The following DACH1 variants were observed in gnomAD, a reference collection of about 807,000 sequenced individuals.
DACH1 encodes the protein dachshund homolog 1.
In DACH1, 12 loss-of-function variants were observed where a neutral mutation model predicts 54.2. That is an observed-to-expected ratio of 0.22 (90% CI 0.14 to 0.36). The LOEUF is 0.36. DACH1 is among the 10% of genes least tolerant of loss of function. The pLI, the probability that DACH1 is intolerant of heterozygous loss-of-function variation, is 1.00. For missense variants in DACH1, 805 were observed against 929.8 expected (o/e 0.87, Z 1.75); for synonymous variants, 386 against 366.2 (o/e 1.05, Z -0.62).
intron 2 of DACH1, among the ~76,000 whole-genome samples, chr13:71,676,464 C>T (rs556369400): frequency 1.4e-4 from 21 of 152,136 alleles, no homozygotes; most frequent in Non-Finnish European, 2.5e-4. Flanking sequence ...GTGATCCACC[C>T]GCCTCGGCCC....
intron 1 of DACH1, among the ~76,000 whole-genome samples, chr13:71,689,554 G>A (rs1182895800): frequency 2.6e-5 from 4 of 152,084 alleles, no homozygotes; most frequent in African/African-American, 9.7e-5. Flanking sequence ...CTCTGGTGAG[G>A]ATAAATTATT....
chr13:71,663,431 A>C (rs1167016825), intron 2 of DACH1, among the ~76,000 whole-genome samples: 1 of 152,088 alleles, frequency 6.6e-6, no homozygotes, highest in South Asian at 2.1e-4. Flanking sequence ...GACAATTCAA[A>C]TTTGAGGAGT....
intron 1 of DACH1, among the ~76,000 whole-genome samples, chr13:71,815,814 G>A (rs892773221): frequency 1.3e-5 from 2 of 152,136 alleles, no homozygotes; most frequent in African/African-American, 2.4e-5. Flanking sequence ...GGCCGGGCGC[G>A]GTGGCTCACG....
Position 71,715,497 on chromosome 13 carries a change from A to G in DACH1, c.849-33587T>C, listed in dbSNP as rs545339175. 2.6e-4 allele frequency among the ~76,000 whole-genome samples: 39 copies of G among 152,130 alleles called. 2 individuals are homozygous for G. In the South Asian group the frequency reaches 7.3e-3, roughly 28 times the overall value. On this transcript the variant is annotated intron_variant, in intron 1 of 10. Coordinates refer to ENST00000613252, the MANE Select transcript of DACH1 (RefSeq NM_080759.6). The stretch of plus-strand genomic sequence containing the variant: ...CCAACCTAAGAAGGCGGTTTCCTAT[A>G]TTTGTGCCATTATCTTAATCTCATT...
rs571667641 is a variant in DACH1 at position 71,603,015 on chromosome 13, T to C, written c.1126+27541A>G. On this transcript the variant is annotated intron_variant, in intron 3 of 10. Coordinates refer to ENST00000613252, the MANE Select transcript of DACH1 (RefSeq NM_080759.6). Reference sequence around the variant, plus strand: ...TTCAATTACGTTGCTTTCTTTTTATTCACAGAGAACCACTTAAATTAACTA... The same window carrying C: ...TTCAATTACGTTGCTTTCTTTTTATCCACAGAGAACCACTTAAATTAACTA... 9.2e-4 allele frequency among the ~76,000 whole-genome samples: 140 copies of C among 152,082 alleles called. 1 individual carries two copies. Among genetic ancestry groups the C allele is most frequent in the African/African-American group, 3.2e-3 (135 of 41,552 alleles).
intron 10 of DACH1, among the ~76,000 whole-genome samples, chr13:71,450,350 G>T (rs1278905293): frequency 2.6e-5 from 4 of 151,974 alleles, no homozygotes; most frequent in African/African-American, 9.7e-5. Context: ...TGTGATCAAT[G>T]ATCTTTGATG....
chr13:71,708,446 A>C (rs1882550425), intron 1 of DACH1, among the ~76,000 whole-genome samples: 1 of 152,170 alleles, frequency 6.6e-6, no homozygotes, highest in Non-Finnish European at 1.5e-5. Flanking sequence ...ATCTGGAGAA[A>C]GAGATTGCAT....
At chr13:71,512,188 T>C (rs1253978709) in intron 6 of DACH1, among the ~76,000 whole-genome samples, 3 of 151,962 alleles carry the variant, frequency 2.0e-5, no homozygotes, top group Non-Finnish European at 2.9e-5. Flanking sequence ...TACTTTTGCC[T>C]TCTATTTCTA....
intron 1 of DACH1, among the ~76,000 whole-genome samples, chr13:71,725,181 A>C (rs1175802308): frequency 6.6e-6 from 1 of 152,152 alleles, no homozygotes; most frequent in African/African-American, 2.4e-5. Context: ...CATCAAAGCA[A>C]TATGAATGTT....
At chr13:71,464,220 T>C (rs1047994512) in intron 10 of DACH1, among the ~76,000 whole-genome samples, 3 of 151,958 alleles carry the variant, frequency 2.0e-5, no homozygotes, top group African/African-American at 7.2e-5. Flanking sequence ...AAAATAACAT[T>C]GTCATTAAAA....
intron 3 of DACH1, among the ~76,000 whole-genome samples, chr13:71,611,230 G>C (rs1280916545): frequency 6.6e-6 from 1 of 152,172 alleles, no homozygotes; most frequent in Admixed American, 6.6e-5. Flanking sequence ...AGGGAAAGGA[G>C]AGCATTTGGA....
chr13:71,711,490 G>A (rs930725661), intron 1 of DACH1, among the ~76,000 whole-genome samples: 14 of 152,014 alleles, frequency 9.2e-5, no homozygotes, highest in African/African-American at 3.4e-4. Flanking sequence ...TACCTGATTC[G>A]GTTACTCAAG....
intron 2 of DACH1, among the ~76,000 whole-genome samples, chr13:71,676,230 T>G (rs766279987): frequency 8.5e-5 from 13 of 152,256 alleles, no homozygotes; most frequent in Non-Finnish European, 1.5e-4. Context: ...CAATTTTTTT[T>G]TTGTTGAGAT....
rs1875266317 is a variant in DACH1 at position 71,610,716 on chromosome 13, T to C, written c.1126+19840A>G. 3.9e-5 allele frequency among the ~76,000 whole-genome samples: 6 copies of C among 152,122 alleles called. No individual in the cohort carries two copies. The South Asian group carries it at 8.3e-4, about 21-fold the overall frequency. On this transcript the variant is annotated intron_variant, in intron 3 of 10. Transcript: ENST00000613252. ...TTTGTTGTTTGACATCTCTTTAAGC[T>C]TGGTGTTTGGGGTGCAAAGAGTTTA...
At chr13:71,708,118 GAA>G (rs770113102) in intron 1 of DACH1, among the ~76,000 whole-genome samples, 1 of 128,882 alleles carries the variant, frequency 7.8e-6, no homozygotes. Flanking sequence ...AACCAAAAAT[GAA>G]AAAAAAAAAA....
At chr13:71,546,787 T>C (rs1883492287) in intron 6 of DACH1, among the ~76,000 whole-genome samples, 1 of 152,054 alleles carries the variant, frequency 6.6e-6, no homozygotes, top group Admixed American at 6.6e-5. Flanking sequence ...AAACAAAGCT[T>C]AGACCAAAAG....
intron 3 of DACH1, among the ~76,000 whole-genome samples, chr13:71,625,599 C>G (rs937384919): frequency 1.3e-4 from 19 of 151,872 alleles, no homozygotes; most frequent in Non-Finnish European, 2.2e-4. Flanking sequence ...GATAAATACC[C>G]TTGAAGGTGA....
At chr13:71,504,330 A>T (rs1237041937) in intron 6 of DACH1, among the ~76,000 whole-genome samples, 1 of 152,182 alleles carries the variant, frequency 6.6e-6, no homozygotes, top group Non-Finnish European at 1.5e-5. Context: ...AAAAAGAAAC[A>T]TTGTGTTATC....
intron 2 of DACH1, among the ~76,000 whole-genome samples, chr13:71,661,883 CTGGAACAA>C (rs1371223077): frequency 1.3e-5 from 2 of 151,940 alleles, no homozygotes; most frequent in African/African-American, 2.4e-5. Context: ...GTCCTGCCTT[CTGGAACAA>C]TGGAGAATTA....
Sources: allele counts gnomAD v4.1 joint callset (sites outside exome capture counted in the v4.1 genomes callset), GRCh38; gene constraint gnomAD v4.1.1; transcripts MANE v1.5; gene names NCBI Gene and HGNC (gene_info 2026-07-23, HGNC 2026-07-21).